The following ILRUN variants were observed in gnomAD, a reference collection of about 807,000 sequenced individuals.
The protein encoded by ILRUN is protein ILRUN.
A neutral mutation model predicts 33.8 loss-of-function variants in ILRUN; 3 were observed. The ratio of observed to expected loss-of-function variants is 0.09; its 90% CI spans 0.04 to 0.23. The LOEUF (loss-of-function observed/expected upper bound fraction) is 0.23, where lower values mean the gene tolerates loss of function less well. Among genes scored for constraint, ILRUN ranks in the 10% least tolerant of loss-of-function variants. ILRUN has a pLI of 1.00. For missense variants in ILRUN, 210 were observed against 375.1 expected, an observed-to-expected ratio of 0.56 and a Z score of 3.64; for synonymous variants, 124 against 138.9, an observed-to-expected ratio of 0.89 and a Z score of 0.75.
intron 3 of ILRUN, among the ~76,000 whole-genome samples, chr6:34,631,328 CCT>C (rs781219913): frequency 1.3e-3 from 196 of 151,384 alleles, no homozygotes; most frequent in Middle Eastern, 0.01. Context: ...CCCCCATTCC[CCT>C]CTTTTTTTTT....
At chr6:34,684,333 G>A (rs867729521) in intron 1 of ILRUN, among the ~76,000 whole-genome samples, 3 of 152,012 alleles carry the variant, frequency 2.0e-5, no homozygotes, top group Non-Finnish European at 4.4e-5. Flanking sequence ...CTTATTATGC[G>A]CTTATATGAC....
intron 1 of ILRUN, among the ~76,000 whole-genome samples, chr6:34,669,248 G>A (rs575902485): frequency 1.5e-4 from 23 of 151,286 alleles, no homozygotes; most frequent in East Asian, 1.4e-3. Flanking sequence ...CTCAGCCTGC[G>A]GAGTAGCTGG....
In ILRUN at chr6:34,646,475, T is replaced by C. The variant is rs1762566075; in HGVS notation, c.511+126A>G. On this transcript the variant is annotated intron_variant, in intron 3 of 4. Coordinates refer to ENST00000374023, the MANE Select transcript of ILRUN (RefSeq NM_024294.4). The surrounding 1 kb of genome is among the most constrained non-coding windows in gnomAD (Gnocchi z 4.9). The stretch of plus-strand genomic sequence containing the variant: ...ATAAAATGCAAATCATTTACCTGCA[T>C]GAGGTGACTGTTAAAAAGAGGCCAT... The C allele has an allele frequency of 1.3e-6, 1 of 768,150 alleles. No homozygotes were observed. Among genetic ancestry groups the C allele is most frequent in the African/African-American group, 1.7e-5 (1 of 57,580 alleles). The allele number at this position is 768,150 out of a possible 1,614,324, so 47.6% of individuals were successfully genotyped here.
At position 34,678,477 on chromosome 6, in the gene ILRUN, ACTATCCGATAGGG is replaced by A. The variant is rs1562030040; in HGVS notation, c.158+17956_158+17968del. 3.9e-5 allele frequency among the ~76,000 whole-genome samples: 6 copies of A among 152,334 alleles called. No individual in the cohort carries two copies. The South Asian group carries it at 1.2e-3, about 32-fold the overall frequency. On this transcript the variant is annotated intron_variant, in intron 1 of 4. Transcript: ENST00000374023. The stretch of plus-strand genomic sequence containing the variant: ...TCATCACTCAGAAAATGAGCATAGT[ACTATCCGATAGGG>A]CTTCATTCTGAATTTGTTGGGTTTT...
intron 2 of ILRUN, among the ~76,000 whole-genome samples, chr6:34,654,241 C>T (rs900657347): frequency 2.7e-5 from 4 of 150,758 alleles, no homozygotes; most frequent in African/African-American, 9.7e-5. Flanking sequence ...TTCAAGGATA[C>T]ACCTCCTCTA....
intron 4 of ILRUN, among the ~76,000 whole-genome samples, chr6:34,595,087 C>T (rs893073355): frequency 2.6e-5 from 4 of 152,210 alleles, no homozygotes; most frequent in Non-Finnish European, 4.4e-5. Context: ...TATCAATCTC[C>T]TAAAAGGAAA....
chr6:34,590,388 C>G lies in ILRUN; in HGVS notation c.*177G>C. On this transcript the variant is annotated 3_prime_UTR_variant, in exon 5 of 5. Coordinates refer to ENST00000374023, the MANE Select transcript of ILRUN (RefSeq NM_024294.4). Reference sequence around the variant, plus strand: ...TCCTGTGATTCAGCATTCACACATGCATACTGAGTTTACTCAAAACTAGTC... The same window carrying G: ...TCCTGTGATTCAGCATTCACACATGGATACTGAGTTTACTCAAAACTAGTC... 1 of 708,848 alleles carries G rather than the reference C, an allele frequency of 1.4e-6. No homozygotes were observed. The highest frequency in any genetic ancestry group is 2.2e-6 in the Non-Finnish European group (1 of 450,812). The allele number at this position is 708,848 out of a possible 1,614,324, so 43.9% of individuals were successfully genotyped here.
At chr6:34,650,403 TTATTTTTA>T (rs1190724612) in intron 2 of ILRUN, among the ~76,000 whole-genome samples, 15 of 141,436 alleles carry the variant, frequency 1.1e-4, no homozygotes, top group South Asian at 9.0e-4. Flanking sequence ...TTTTATTTAT[TTATTTTTA>T]TTTATTTATT....
chr6:34,624,126 C>T (rs1762067058), intron 3 of ILRUN, among the ~76,000 whole-genome samples: 2 of 152,204 alleles, frequency 1.3e-5, no homozygotes, highest in South Asian at 2.1e-4. Flanking sequence ...GCCACCATGC[C>T]CAGCCTCCTT....
chr6:34,664,913 T>C (rs1278258793), intron 1 of ILRUN, among the ~76,000 whole-genome samples: 2 of 152,182 alleles, frequency 1.3e-5, no homozygotes, highest in Admixed American at 6.6e-5. Flanking sequence ...AGCAGTCAAA[T>C]GTATCTCATC....
chr6:34,597,824 T>A (rs939601357), intron 4 of ILRUN, among the ~76,000 whole-genome samples: 3 of 152,208 alleles, frequency 2.0e-5, no homozygotes, highest in African/African-American at 7.2e-5. Context: ...GCAGCCAAGC[T>A]GGCCAGTGTC....
rs200990145 is a variant in ILRUN at position 34,611,059 on chromosome 6, CT to C, written c.512-4156del. The stretch of plus-strand genomic sequence containing the variant: ...GACTTCTTTCCCCCTCCCCCTCCCC[CT>C]CTCCTTCCCTCTCCTTTCCTTTCTT... On this transcript the variant is annotated intron_variant, in intron 3 of 4. Coordinates refer to ENST00000374023, the MANE Select transcript of ILRUN (RefSeq NM_024294.4). Among the ~76,000 whole-genome samples the C allele has an allele frequency of 6.9e-3, 1,004 of 144,518 alleles. 18 individuals carry two copies. The highest frequency in any genetic ancestry group is 0.025 in the African/African-American group (949 of 37,580). The allele number at this position is 144,518 out of a possible 152,430, so 94.8% of individuals were successfully genotyped here.
At chr6:34,608,907 G>A (rs1761687688) in intron 3 of ILRUN, among the ~76,000 whole-genome samples, 1 of 152,188 alleles carries the variant, frequency 6.6e-6, no homozygotes, top group African/African-American at 2.4e-5. Context: ...AGAGAACAGT[G>A]ACACGTACAT....
intron 1 of ILRUN, among the ~76,000 whole-genome samples, chr6:34,672,764 A>G (rs956998101): frequency 1.6e-4 from 25 of 152,156 alleles, no homozygotes; most frequent in Admixed American, 1.4e-3. Context: ...CAATATCTGA[A>G]AAACAGGAGC....
intron 4 of ILRUN, among the ~76,000 whole-genome samples, chr6:34,597,553 C>G (rs141472146): frequency 6.6e-6 from 1 of 152,318 alleles, no homozygotes; most frequent in African/African-American, 2.4e-5. Context: ...TCCTTACAAG[C>G]CATCATCTCC....
intron 1 of ILRUN, among the ~76,000 whole-genome samples, chr6:34,674,808 C>T (rs1263904552): frequency 6.6e-6 from 1 of 152,112 alleles, no homozygotes; most frequent in Non-Finnish European, 1.5e-5. Context: ...CACCTGTAAT[C>T]CCAGCACTTT....
intron 3 of ILRUN, among the ~76,000 whole-genome samples, chr6:34,629,787 T>C (rs1420687747): frequency 6.6e-6 from 1 of 152,188 alleles, no homozygotes; most frequent in Non-Finnish European, 1.5e-5. Flanking sequence ...TTATTCCCAT[T>C]ATGTGTGTAT....
At chr6:34,595,853 G>A (rs1306549282) in intron 4 of ILRUN, 23 of 985,456 alleles carry the variant, frequency 2.3e-5, no homozygotes, top group Non-Finnish European at 2.8e-5. Context: ...GGCATTATCG[G>A]ATAACACCAT....
chr6:34,685,786 G>A (rs1423118918), intron 1 of ILRUN: 2 of 151,968 alleles, frequency 1.3e-5, no homozygotes, highest in Admixed American at 6.6e-5. Flanking sequence ...TTTACTAAAA[G>A]TAAAGGATAT....
Sources: gnomAD v4.1 joint callset for allele counts (sites outside exome capture counted in the v4.1 genomes callset) on GRCh38, gnomAD v4.1.1 for gene constraint, Gnocchi (gnomAD v3.1) non-coding constraint, MANE v1.5 for transcripts, NCBI Gene and HGNC (gene_info 2026-07-23, HGNC 2026-07-21) for gene names.